The following TEN1 variants were observed in gnomAD, a reference collection of about 807,000 sequenced individuals.
TEN1 encodes TEN1 subunit of CST complex, also known as CST complex subunit TEN1.
A neutral mutation model predicts 9.3 loss-of-function variants in TEN1; 6 were observed. The observed-to-expected ratio is 0.65, with a 90% confidence interval of 0.35 to 1.27. TEN1 has a LOEUF of 1.27. Ranked by LOEUF, TEN1 falls within the 50% of genes most tolerant of loss-of-function variation. TEN1 has a pLI of 0.03. For synonymous variants in TEN1, 65 were observed against 65.6 expected, an observed-to-expected ratio of 0.99 and a Z score of 0.04; for missense variants, 149 against 158.2, an observed-to-expected ratio of 0.94 and a Z score of 0.31.
rs368827427 is a variant in TEN1, at chr17:76,000,179, G to A, written c.289G>A (p.Val97Met). The change falls in exon 4 of 4, where the codon GTG becomes ATG. Residue 97 changes from valine (V) to methionine (M), a missense_variant. Physicochemically the swap from Val to Met is conservative, Grantham distance 21. Coordinates refer to ENST00000397640, the MANE Select transcript of TEN1 (RefSeq NM_001113324.3). This position sits in a 1 kb window ranked among gnomAD's most constrained non-coding sequence, Gnocchi z 5.9. ...SVVKARVLTCVEGMNLPLLEQ... is the reference protein window; with the variant it reads ...SVVKARVLTCMEGMNLPLLEQ... ...GGTGAAGGCGCGCGTGCTGACCTGTGTGGAGGGGATGAACCTGCCCTTGTT... is the reference window on the plus strand; with the variant it reads ...GGTGAAGGCGCGCGTGCTGACCTGTATGGAGGGGATGAACCTGCCCTTGTT... 6.4e-6 allele frequency: 10 copies of A among 1,551,464 alleles called. No homozygotes were observed. The highest frequency in any genetic ancestry group is 8.7e-6 in the Non-Finnish European group (10 of 1,146,984).
At chr17:75,986,369 G>T (rs2066152527) in intron 2 of TEN1, 85 bp downstream of exon 2, 2 of 1,222,452 alleles carry the variant, frequency 1.6e-6, no homozygotes, top group Non-Finnish European at 2.2e-6. Flanking sequence ...AATTAGAAAA[G>T]ATTTTTATAA....
chr17:75,988,561 CAAAAAAAAAAAAAAAAA>C (rs1189354019), intron 2 of TEN1, among the ~76,000 whole-genome samples: 1 of 28,988 alleles, frequency 3.4e-5, no homozygotes, highest in Non-Finnish European at 6.0e-5. Flanking sequence ...GATCCTGCCT[CAAAAAAAAAAAAAAAAA>C]AAAAAAAAAG....
chr17:75,981,941 C>G (rs953894519), intron 1 of TEN1, among the ~76,000 whole-genome samples: 7 of 152,096 alleles, frequency 4.6e-5, no homozygotes, highest in African/African-American at 1.7e-4. Context: ...GCAGGAGAAT[C>G]GCTTGAACCG....
intron 1 of TEN1, among the ~76,000 whole-genome samples, chr17:75,981,481 C>T (rs1043758026): frequency 1.3e-5 from 2 of 152,140 alleles, no homozygotes; most frequent in African/African-American, 4.8e-5. Flanking sequence ...GCCACTGCGC[C>T]TGGCTGGCTG....
rs1044154263 is a variant in TEN1, at chr17:75,988,581, A to G, written c.92+2297A>G. 1.3e-4 allele frequency among the ~76,000 whole-genome samples: 19 copies of G among 149,834 alleles called. 1 individual carries two copies. The highest frequency in any genetic ancestry group is 4.2e-4 in the South Asian group (2 of 4,774). ...TGCCTCAAAAAAAAAAAAAAAAAAA[A>G]AAAAAAGAAAAGAAGAAGAAAGCAA... On this transcript the variant is annotated intron_variant, in intron 2 of 3. Coordinates refer to ENST00000397640, the MANE Select transcript of TEN1 (RefSeq NM_001113324.3).
chr17:75,987,032 A>G (rs2066156686), intron 2 of TEN1, among the ~76,000 whole-genome samples: 1 of 152,144 alleles, frequency 6.6e-6, no homozygotes, highest in African/African-American at 2.4e-5. Flanking sequence ...CTATATTCTC[A>G]AGGCTGGTGT....
intron 3 of TEN1, among the ~76,000 whole-genome samples, chr17:75,997,342 C>G (rs2066223634): frequency 6.6e-6 from 1 of 152,096 alleles, no homozygotes; most frequent in South Asian, 2.1e-4. Context: ...CTTCCTGTGT[C>G]CTGGCCACAC....
chr17:75,987,131 A>C (rs1015230204), intron 2 of TEN1, among the ~76,000 whole-genome samples: 1 of 151,956 alleles, frequency 6.6e-6, no homozygotes, highest in Non-Finnish European at 1.5e-5. Context: ...GCCTCCCCCA[A>C]ATTTAAAATA....
chr17:75,981,728 G>A (rs2066121821), intron 1 of TEN1, among the ~76,000 whole-genome samples: 1 of 151,730 alleles, frequency 6.6e-6, no homozygotes, highest in Non-Finnish European at 1.5e-5. Context: ...CCCAAAGCCA[G>A]CCATAAAACC....
chr17:75,991,090 C>T (rs1247602584), intron 2 of TEN1, among the ~76,000 whole-genome samples: 2 of 129,188 alleles, frequency 1.5e-5, no homozygotes, highest in East Asian at 4.5e-4. Context: ...GCGGAGGTTG[C>T]AGTGAGCCGA....
Position 76,000,155 on chromosome 17 carries a change from G to T in TEN1, c.265G>T (p.Val89Leu). Residue 89 changes from valine (V) to leucine (L), a missense_variant, in exon 4 of 4, where the codon GTG (valine) becomes TTG (leucine). Physicochemically the swap from Val to Leu is conservative, Grantham distance 32. Transcript: ENST00000397640. This position sits in a 1 kb window ranked among gnomAD's most constrained non-coding sequence, Gnocchi z 5.9. ...TTGTCTTGCAGACAGAGGCTCCGTG[G>T]TGAAGGCGCGCGTGCTGACCTGTGT... ...LQHQQDRGSV[V>L]KARVLTCVEG... 1 of 1,551,270 alleles carries T rather than the reference G, an allele frequency of 6.4e-7. No individual in the cohort carries two copies. The highest frequency in any genetic ancestry group is 8.7e-7 in the Non-Finnish European group (1 of 1,146,804).
chr17:75,987,255 A>T (rs2088359430), intron 2 of TEN1, among the ~76,000 whole-genome samples: 1 of 152,228 alleles, frequency 6.6e-6, no homozygotes, highest in African/African-American at 2.4e-5. Flanking sequence ...GGCTGCAGTT[A>T]TCTGGAGGCT....
intron 3 of TEN1, among the ~76,000 whole-genome samples, chr17:75,998,169 C>CCTTTTT (rs1555622205): frequency 7.4e-6 from 1 of 135,738 alleles, no homozygotes. Context: ...TTTTTTTTTC[C>CCTTTTT]TTTTTTTTTT....
At chr17:75,998,485 C>A (rs1333611173) in intron 3 of TEN1, among the ~76,000 whole-genome samples, 1 of 152,108 alleles carries the variant, frequency 6.6e-6, no homozygotes, top group Non-Finnish European at 1.5e-5. Flanking sequence ...CTGGGGCTAA[C>A]AGAAGCTGAG....
intron 3 of TEN1, among the ~76,000 whole-genome samples, chr17:75,996,917 G>A (rs1464212092): frequency 2.0e-5 from 3 of 151,896 alleles, no homozygotes; most frequent in African/African-American, 7.3e-5. Context: ...GAGTTTCCCC[G>A]GCTCCTCGGG....
rs763250735 is a variant in TEN1 at position 75,986,186 on chromosome 17, G to A, written c.-6-1G>A. The A allele has an allele frequency of 3.6e-5, 55 of 1,544,288 alleles. No individual in the cohort carries two copies. In the Middle Eastern group the frequency reaches 5.0e-4, roughly 14 times the overall value. On this transcript the variant is annotated splice_acceptor_variant, in intron 1 of 3. Transcript: ENST00000397640. LOFTEE classifies it low-confidence loss of function (5UTR_SPLICE). ...AATCCCTCTCAACTATTTGGTTACA[G>A]GAGCCCATGATGCTGCCCAAACCTG... is the stretch of plus-strand genomic sequence containing the variant.
At chr17:75,990,534 T>A (rs1598213695) in intron 2 of TEN1, among the ~76,000 whole-genome samples, 2 of 146,436 alleles carry the variant, frequency 1.4e-5, no homozygotes, top group Non-Finnish European at 1.5e-5. Flanking sequence ...TTGTAGCCCA[T>A]ATTGAAAAAA....
chr17:75,987,061 C>T (rs533042493), intron 2 of TEN1, among the ~76,000 whole-genome samples: 4 of 152,314 alleles, frequency 2.6e-5, no homozygotes, highest in East Asian at 1.9e-4. Flanking sequence ...TGGGCTCAAG[C>T]GATCCTCCTG....
At chr17:75,996,934 A>G (rs2066221929) in intron 3 of TEN1, among the ~76,000 whole-genome samples, 1 of 151,924 alleles carries the variant, frequency 6.6e-6, no homozygotes, top group Admixed American at 6.6e-5. Context: ...CGGGTGTGTC[A>G]GCATCACACA....
Sources: allele counts gnomAD v4.1 joint callset (sites outside exome capture counted in the v4.1 genomes callset), GRCh38; gene constraint gnomAD v4.1.1; non-coding constraint Gnocchi (gnomAD v3.1); transcripts MANE v1.5; gene names NCBI Gene and HGNC (gene_info 2026-07-23, HGNC 2026-07-21).